FBXL2: variants seen among roughly 807,000 people sequenced by gnomAD.
The protein encoded by FBXL2 is F-box/LRR-repeat protein 2.
In FBXL2, 38 loss-of-function variants were observed where a neutral mutation model predicts 69.2. The ratio of observed to expected loss-of-function variants is 0.55; its 90% confidence interval spans 0.42 to 0.72. FBXL2 has a LOEUF of 0.72. Among genes scored for constraint, FBXL2 ranks in the 30% least tolerant of loss-of-function variants. FBXL2 has a pLI of 0.00. For synonymous variants in FBXL2, 192 were observed against 201.3 expected (o/e 0.95, Z 0.39); for missense variants, 354 against 520.3 (o/e 0.68, Z 3.11).
At chr3:33,402,055 T>A (rs2044250478) in intron 12 of FBXL2, among the ~76,000 whole-genome samples, 1 of 152,240 alleles carries the variant, frequency 6.6e-6, no homozygotes, top group South Asian at 2.1e-4. Context: ...CTTGTCAGCA[T>A]GACCGGAGAA....
intron 13 of FBXL2, among the ~76,000 whole-genome samples, chr3:33,379,521 AT>A (rs950488152): frequency 6.7e-6 from 1 of 148,964 alleles, no homozygotes; most frequent in Non-Finnish European, 1.5e-5. Context: ...CGCCCAGCAA[AT>A]TTTTGTATTT....
chr3:33,299,199 G>A (rs143579329), intron 2 of FBXL2, among the ~76,000 whole-genome samples: 3,456 of 151,896 alleles, frequency 0.023, 64 homozygotes, highest in Non-Finnish European at 0.034. Flanking sequence ...GTGTCACCAC[G>A]CCCAGCTGAT....
At chr3:33,379,691 A>C (rs812129) in intron 13 of FBXL2, among the ~76,000 whole-genome samples, 2 of 150,770 alleles carry the variant, frequency 1.3e-5, no homozygotes, top group African/African-American at 2.4e-5. Context: ...CAAAAAAAAA[A>C]CAAAAACAAA....
At chr3:33,277,329 G>A, upstream of FBXL2, 1 of 457,518 alleles carries the variant, frequency 2.2e-6, no homozygotes, top group Non-Finnish European at 3.6e-6. Flanking sequence ...TCCAGGGCCG[G>A]GGGCGAGGGG....
the FBXL2 span, among the ~76,000 whole-genome samples, chr3:33,417,774 T>A: frequency 6.6e-6 from 1 of 152,218 alleles, no homozygotes; most frequent in Non-Finnish European, 1.5e-5. Context: ...AGAATGCTTA[T>A]AATATCACAT....
At position 33,384,121 on chromosome 3, in the gene FBXL2, C is replaced by T; in HGVS notation, c.1084C>T (p.Leu362=). The T allele has an allele frequency of 6.2e-7, 1 of 1,614,126 alleles. No individual in the cohort carries two copies. Among genetic ancestry groups the T allele is most frequent in the Non-Finnish European group, 8.5e-7 (1 of 1,180,030 alleles). ...CATCACTGATGTGGCCCTGGAACAC[C>T]TAGAGAACTGCCGAGGCCTGGAGCG... The part of the protein sequence containing the change: ...LLITDVALEH[L]ENCRGLERLE... Residue 362 remains leucine (L), a synonymous_variant, in exon 14 of 15, where the codon CTA becomes TTA. Transcript: ENST00000484457.
At chr3:33,322,773 T>C (rs1480331064) in intron 2 of FBXL2, among the ~76,000 whole-genome samples, 1 of 152,166 alleles carries the variant, frequency 6.6e-6, no homozygotes, top group South Asian at 2.1e-4. Context: ...TGAGGGGTGA[T>C]CATACTGTTT....
At chr3:33,413,605 A>G in the FBXL2 span, among the ~76,000 whole-genome samples, 1 of 151,548 alleles carries the variant, frequency 6.6e-6, no homozygotes, top group South Asian at 2.1e-4. Flanking sequence ...TAAAACAAAA[A>G]TCCGAAACAC....
At chr3:33,376,250 G>A (rs1311125486) in intron 10 of FBXL2, among the ~76,000 whole-genome samples, 19 of 152,020 alleles carry the variant, frequency 1.2e-4, no homozygotes, top group Admixed American at 1.2e-3. Context: ...TTTAACAATG[G>A]TAACAATAGT....
At chr3:33,297,772 C>A in intron 2 of FBXL2, 47 bp downstream of exon 2, 2 of 1,101,122 alleles carry the variant, frequency 1.8e-6, no homozygotes, top group South Asian at 1.4e-5. Context: ...CTGATTTAGT[C>A]ATCAAGTTCC....
chr3:33,305,469 T>C (rs1187633702), intron 2 of FBXL2, among the ~76,000 whole-genome samples: 1 of 151,958 alleles, frequency 6.6e-6, no homozygotes, highest in African/African-American at 2.4e-5. Context: ...ATACTACATA[T>C]TTGGTAAGGC....
At chr3:33,289,732 T>C (rs1441005518) in intron 1 of FBXL2, 11 of 985,224 alleles carry the variant, frequency 1.1e-5, no homozygotes, top group Non-Finnish European at 1.3e-5. Flanking sequence ...CTTCAATTAG[T>C]ACATTGGAAT....
chr3:33,408,678 G>C, the FBXL2 span: 4 of 1,604,896 alleles, frequency 2.5e-6, no homozygotes, highest in East Asian at 2.2e-5. Context: ...AAGAGAAGCA[G>C]AAGTCCCTTA....
intron 5 of FBXL2, among the ~76,000 whole-genome samples, chr3:33,367,949 G>T (rs1324316977): frequency 2.0e-5 from 3 of 152,016 alleles, no homozygotes; most frequent in East Asian, 3.8e-4. Flanking sequence ...TTCCCCTTTT[G>T]ATTTCTTCCA....
In FBXL2 at chr3:33,378,722, G is replaced by A; in HGVS notation, c.932G>A (p.Cys311Tyr). The A allele has an allele frequency of 2.5e-6, 4 of 1,614,030 alleles. No individual in the cohort carries two copies. Among genetic ancestry groups the A allele is most frequent in the Non-Finnish European group, 3.4e-6 (4 of 1,179,998 alleles). ...DSTLIQLSIHCPKLQALSLSH... is the reference protein window; with the variant it reads ...DSTLIQLSIHYPKLQALSLSH... The stretch of plus-strand genomic sequence containing the variant: ...ACACTCATCCAGCTCTCCATTCACT[G>A]TCCTAAACTGCAAGCCCTGGTGAGT... Residue 311 changes from cysteine (C) to tyrosine (Y), a missense_variant, in exon 13 of 15, where the codon TGT (cysteine) becomes TAT (tyrosine). Transcript: ENST00000484457.
intron 1 of FBXL2, among the ~76,000 whole-genome samples, chr3:33,287,386 C>T (rs573571644): frequency 2.0e-5 from 3 of 152,216 alleles, no homozygotes; most frequent in African/African-American, 4.8e-5. Flanking sequence ...TTATAGAACC[C>T]ATTCTCTGTA....
intron 12 of FBXL2, chr3:33,402,742 G>A: frequency 8.0e-7 from 1 of 1,250,740 alleles, no homozygotes; most frequent in Admixed American, 3.2e-5. Flanking sequence ...GAGAGATGGG[G>A]AAATGAAGGC....
At chr3:33,302,748 G>A (rs1345771683) in intron 2 of FBXL2, among the ~76,000 whole-genome samples, 1 of 152,074 alleles carries the variant, frequency 6.6e-6, no homozygotes, top group Admixed American at 6.5e-5. Context: ...GCTTGATAAA[G>A]GAAGATTTCA....
chr3:33,389,252 T>C (rs975023447), downstream of FBXL2: 3 of 152,656 alleles, frequency 2.0e-5, no homozygotes, highest in Admixed American at 6.5e-5. Context: ...ATGATTGTAC[T>C]AAAGCTCAAT....
Sources: allele counts gnomAD v4.1 joint callset (sites outside exome capture counted in the v4.1 genomes callset), GRCh38; gene constraint gnomAD v4.1.1; transcripts MANE v1.5; gene names NCBI Gene and HGNC (gene_info 2026-07-23, HGNC 2026-07-21).